PPEF1: variants seen among roughly 807,000 people sequenced by gnomAD.
PPEF1 encodes protein phosphatase with EF-hand domain 1.
A neutral mutation model predicts 53.3 loss-of-function variants in PPEF1; 12 were observed. The ratio of observed to expected loss-of-function variants is 0.23; its 90% confidence interval spans 0.14 to 0.36. The LOEUF (loss-of-function observed/expected upper bound fraction) is 0.36, where lower values mean the gene tolerates loss of function less well. Among genes scored for constraint, PPEF1 ranks in the 10% least tolerant of loss-of-function variants. The pLI is 1.00. For missense variants in PPEF1, 334 were observed against 490.4 expected (o/e 0.68, Z 3.01); for synonymous variants, 165 against 176.7 (o/e 0.93, Z 0.52).
rs749168357 is a variant in PPEF1, at chrX:18,726,861, C to T, written c.47-3320C>T. Among the ~76,000 whole-genome samples the T allele has an allele frequency of 1.7e-4, 19 of 110,598 alleles. No individual in the cohort carries two copies. The South Asian group carries it at 6.3e-3, about 37-fold the overall frequency. The stretch of plus-strand genomic sequence containing the variant: ...ATTTTTAGTAAAGGTGGGGTTTCAC[C>T]ATGTTAGCCAGTCTGGTCTCAAACT... On this transcript the variant is annotated intron_variant, in intron 1 of 15. Transcript: ENST00000470157.
intron 5 of PPEF1, among the ~76,000 whole-genome samples, chrX:18,758,369 C>T (rs1438794221): frequency 8.9e-6 from 1 of 112,324 alleles, no homozygotes; most frequent in African/African-American, 3.2e-5. Context: ...GTGGAAGGAA[C>T]AGCAATTCCC....
At chrX:18,689,191 T>C (rs1170339525) in intron 3 of PPEF1, among the ~76,000 whole-genome samples, 4 of 110,631 alleles carry the variant, frequency 3.6e-5, no homozygotes, top group Non-Finnish European at 7.6e-5. Context: ...ATTAAAATTT[T>C]TCTTTTGGTT....
At chrX:18,761,451 G>C (rs2045664913) in intron 5 of PPEF1, 79 bp from the exon 6 acceptor site, 1 of 866,044 alleles carries the variant, frequency 1.2e-6, no homozygotes, top group African/African-American at 2.0e-5. Context: ...ACTTGGAGTG[G>C]ATCAGCAGTA....
intron 12 of PPEF1, among the ~76,000 whole-genome samples, chrX:18,807,033 G>GT (rs2046687181): frequency 8.6e-5 from 8 of 93,205 alleles, no homozygotes; most frequent in Non-Finnish European, 1.3e-4. Flanking sequence ...TTTTTCATTT[G>GT]TTTTTTGTTT....
At chrX:18,800,136 T>C (rs1449666584) in intron 10 of PPEF1, among the ~76,000 whole-genome samples, 1 of 111,470 alleles carries the variant, frequency 9.0e-6, no homozygotes, top group Non-Finnish European at 1.9e-5. Context: ...TGTTAAGTGA[T>C]TTGCCCAAGG....
intron 7 of PPEF1, among the ~76,000 whole-genome samples, chrX:18,780,746 A>G (rs2046065807): frequency 9.0e-6 from 1 of 110,649 alleles, no homozygotes; most frequent in Non-Finnish European, 1.9e-5. Context: ...GTAACTGGAT[A>G]TGGGAGAGCT....
At chrX:18,769,293 ATTAG>A (rs1302814821) in intron 6 of PPEF1, among the ~76,000 whole-genome samples, 2 of 112,028 alleles carry the variant, frequency 1.8e-5, no homozygotes, top group East Asian at 2.8e-4. Flanking sequence ...TTTACATATC[ATTAG>A]TTAGGTCATA....
In PPEF1 at chrX:18,806,521, C is replaced by T. The variant is rs761989751; in HGVS notation, c.1370C>T (p.Thr457Met). ...RFFQYQVTKA[T>M]CFQPLRQRVD... is the part of the protein sequence containing the mutation. ...TTCCAGTACCAAGTAACTAAAGCAACGTGCTTTCAGCCTCTTCGCCAAAGG... is the reference window on the plus strand; with the variant it reads ...TTCCAGTACCAAGTAACTAAAGCAATGTGCTTTCAGCCTCTTCGCCAAAGG... The change falls in exon 12 of 16, where the codon ACG (threonine) becomes ATG (methionine). Residue 457 changes from threonine (T) to methionine (M), a missense_variant. Transcript: ENST00000470157. 1 of 1,209,664 alleles carries T rather than the reference C, an allele frequency of 8.3e-7. No homozygotes were observed. The highest frequency in any genetic ancestry group is 3.0e-5 in the East Asian group (1 of 33,827).
chrX:18,759,133 T>C (rs2045608662), intron 5 of PPEF1, among the ~76,000 whole-genome samples: 1 of 111,503 alleles, frequency 9.0e-6, no homozygotes, highest in Non-Finnish European at 1.9e-5. Context: ...TAACTGGACA[T>C]CTCCATTGGT....
chrX:18,821,392 A>AC (rs1391090644), intron 13 of PPEF1, among the ~76,000 whole-genome samples: 3 of 109,027 alleles, frequency 2.8e-5, no homozygotes, highest in Non-Finnish European at 3.8e-5. Flanking sequence ...TAACAAAGTA[A>AC]AAAAAAAAAT....
chrX:18,795,663 G>A lies in PPEF1; in HGVS notation c.1065+6390G>A, dbSNP rs1465744146. ...AAATTTCCAGTCCTACATTTTAACTGCTTTCTTGTCAGTTTTTACCCTATA... is the reference window on the plus strand; with the variant it reads ...AAATTTCCAGTCCTACATTTTAACTACTTTCTTGTCAGTTTTTACCCTATA... On this transcript the variant is annotated intron_variant, in intron 10 of 15. Transcript: ENST00000470157. 1.8e-5 allele frequency among the ~76,000 whole-genome samples: 2 copies of A among 111,762 alleles called. 1 individual carries two copies. Among genetic ancestry groups the A allele is most frequent in the East Asian group, 5.6e-4 (2 of 3,569 alleles).
At chrX:18,738,106 A>G (rs1257452544) in intron 3 of PPEF1, among the ~76,000 whole-genome samples, 1 of 110,560 alleles carries the variant, frequency 9.0e-6, no homozygotes, top group East Asian at 2.8e-4. Flanking sequence ...TTTTAATTGG[A>G]GCATTTAGCT....
At chrX:18,751,821 G>A (rs1972936821) in intron 4 of PPEF1, among the ~76,000 whole-genome samples, 1 of 112,331 alleles carries the variant, frequency 8.9e-6, no homozygotes, top group South Asian at 3.7e-4. Context: ...ATAGATATCT[G>A]GGTTTGTTAT....
intron 10 of PPEF1, among the ~76,000 whole-genome samples, chrX:18,800,116 G>A (rs189677038): frequency 2.6e-3 from 284 of 111,312 alleles, no homozygotes; most frequent in African/African-American, 9.0e-3. Context: ...TGATGACTAA[G>A]TCCTGAATAT....
At chrX:18,802,181 C>CA (rs778981687) in intron 10 of PPEF1, among the ~76,000 whole-genome samples, 1 of 110,349 alleles carries the variant, frequency 9.1e-6, no homozygotes, top group East Asian at 2.9e-4. Context: ...CTTCTCACTT[C>CA]AGCCTCCCAA....
At chrX:18,721,228 A>C (rs902578009) in intron 1 of PPEF1, among the ~76,000 whole-genome samples, 2 of 111,939 alleles carry the variant, frequency 1.8e-5, no homozygotes, top group Non-Finnish European at 3.8e-5. Context: ...AGTTAAAAAA[A>C]CTAATGTGTG....
At chrX:18,761,740 T>C (rs2045671444) in intron 6 of PPEF1, among the ~76,000 whole-genome samples, 164 bp downstream of exon 6, 1 of 110,711 alleles carries the variant, frequency 9.0e-6, no homozygotes, top group Non-Finnish European at 1.9e-5. Context: ...TTTTTTTTTT[T>C]TAACACACAT....
intron 1 of PPEF1, among the ~76,000 whole-genome samples, chrX:18,717,650 G>T: frequency 9.0e-6 from 1 of 111,500 alleles, no homozygotes; most frequent in Admixed American, 9.6e-5. Context: ...TGGCACTCCT[G>T]CCCACTCCCT....
intron 6 of PPEF1, among the ~76,000 whole-genome samples, chrX:18,702,102 CA>C (rs1017013303): frequency 8.9e-6 from 1 of 111,987 alleles, no homozygotes; most frequent in Non-Finnish European, 1.9e-5. Context: ...AACTCTCTGG[CA>C]CGGGCTGCCA....
Sources: allele counts gnomAD v4.1 joint callset (sites outside exome capture counted in the v4.1 genomes callset), GRCh38; gene constraint gnomAD v4.1.1; transcripts MANE v1.5; gene names NCBI Gene and HGNC (gene_info 2026-07-23, HGNC 2026-07-21).